Variants in MTR observed in about 807,000 individuals in gnomAD.
The protein encoded by MTR is methionine synthase.
Under a neutral mutation model 154.8 loss-of-function variants are expected in MTR, and 84 were observed. That is an observed-to-expected ratio of 0.54 (90% CI 0.45 to 0.65). The LOEUF (loss-of-function observed/expected upper bound fraction) is 0.65, where lower values mean the gene tolerates loss of function less well. Ranked by LOEUF, MTR falls within the 30% of genes least tolerant of loss-of-function variation. The pLI is 0.00. For missense variants in MTR, 1,275 were observed against 1,570.2 expected (o/e 0.81, Z 3.18); for synonymous variants, 554 against 553.9 (o/e 1.00, Z 0.00).
intron 22 of MTR, among the ~76,000 whole-genome samples, chr1:236,872,399 G>A (rs574669453): frequency 2.5e-4 from 38 of 151,956 alleles, no homozygotes; most frequent in African/African-American, 8.7e-4. Flanking sequence ...TTTTTCTTGC[G>A]TTAAGTAATC....
chr1:236,884,551 G>T (rs1222929334), intron 25 of MTR, among the ~76,000 whole-genome samples: 2 of 152,160 alleles, frequency 1.3e-5, no homozygotes, highest in African/African-American at 4.8e-5. Flanking sequence ...CCAGGTACAG[G>T]CTTTCAGGAG....
In MTR at chr1:236,861,189, G is replaced by A. The variant is rs778233369; in HGVS notation, c.2108G>A (p.Arg703Gln). 16 of 1,604,012 alleles carry A rather than the reference G, an allele frequency of 1.0e-5. No individual in the cohort carries two copies. The highest frequency in any genetic ancestry group is 3.4e-5 in the Admixed American group (2 of 58,514). Residue 703 changes from arginine (R) to glutamine (Q), a missense_variant, in exon 20 of 33, where the codon CGA (arginine) becomes CAA (glutamine). Arg to Gln is a conservative substitution (Grantham distance 43). Coordinates refer to ENST00000366577, the MANE Select transcript of MTR (RefSeq NM_000254.3). ...AGGTTAAACCAAAAAAAATATCCCC[G>A]ACCTCTCAATATAATTGAAGGACCC... ...EARLNQKKYP[R>Q]PLNIIEGPLM...
intron 15 of MTR, among the ~76,000 whole-genome samples, chr1:236,848,543 CAT>C (rs901778107): frequency 3.3e-5 from 5 of 152,136 alleles, no homozygotes; most frequent in Non-Finnish European, 7.3e-5. Flanking sequence ...TTTTTTCTGA[CAT>C]ACATCTCAGT....
chr1:236,852,850 C>T, intron 17 of MTR, 98 bp from the exon 18 acceptor site: 1 of 1,440,610 alleles, frequency 6.9e-7, no homozygotes, highest in Non-Finnish European at 9.7e-7. Context: ...AGGCTATGGC[C>T]TAAAATATTT....
intron 6 of MTR, among the ~76,000 whole-genome samples, chr1:236,814,040 T>G (rs1661456522): frequency 6.6e-6 from 1 of 152,176 alleles, no homozygotes; most frequent in Non-Finnish European, 1.5e-5. Flanking sequence ...AAATGTTTCA[T>G]TGTTGTGGGA....
intron 10 of MTR, 116 bp from the exon 11 acceptor site, chr1:236,826,713 C>T (rs1410156821): frequency 1.2e-5 from 10 of 812,806 alleles, no homozygotes; most frequent in Middle Eastern, 4.4e-4. Context: ...GTTTGACTCT[C>T]TTTTTAGTAT....
chr1:236,886,511 T>C (rs1020929892), intron 27 of MTR, 144 bp downstream of exon 27: 1 of 769,886 alleles, frequency 1.3e-6, no homozygotes, highest in African/African-American at 1.7e-5. Context: ...GACTGATGAC[T>C]GGAAAGAAAG....
At chr1:236,871,696 C>A (rs1437036361) in intron 22 of MTR, among the ~76,000 whole-genome samples, 1 of 152,140 alleles carries the variant, frequency 6.6e-6, no homozygotes, top group African/African-American at 2.4e-5. Flanking sequence ...CATCTCACTC[C>A]TGCTATAACC....
At chr1:236,875,275 C>G (rs1572311066) in intron 24 of MTR, among the ~76,000 whole-genome samples, 1 of 152,292 alleles carries the variant, frequency 6.6e-6, no homozygotes, top group East Asian at 1.9e-4. Flanking sequence ...TGAAGGAACT[C>G]TAACCTTGTA....
At chr1:236,833,467 T>G (rs1662731738) in intron 13 of MTR, among the ~76,000 whole-genome samples, 1 of 152,230 alleles carries the variant, frequency 6.6e-6, no homozygotes, top group South Asian at 2.1e-4. Context: ...TTTACAGGTG[T>G]AGAGATGGAG....
chr1:236,831,858 G>A (rs1171884497), intron 12 of MTR, 108 bp from the exon 13 acceptor site: 3 of 797,902 alleles, frequency 3.8e-6, no homozygotes, highest in Non-Finnish European at 6.5e-6. Flanking sequence ...TGCTCAGATG[G>A]GCTATGGTGC....
chr1:236,886,459 C>A, intron 27 of MTR, 92 bp downstream of exon 27: 1 of 1,206,688 alleles, frequency 8.3e-7, no homozygotes, highest in Non-Finnish European at 1.2e-6. Context: ...CAAAATCAAA[C>A]CAGCAGCTAA....
intron 2 of MTR, 69 bp from the exon 3 acceptor site, chr1:236,806,075 G>A (rs1228501062): frequency 4.7e-6 from 6 of 1,272,206 alleles, no homozygotes; most frequent in South Asian, 1.2e-5. Context: ...GGTAATGAAA[G>A]GGCATGTTTA....
chr1:236,852,724 G>A lies in MTR; in HGVS notation c.1812+87G>A. 2.4e-6 allele frequency: 3 copies of A among 1,261,472 alleles called. No homozygotes were observed. The South Asian group carries it at 3.6e-5, about 15-fold the overall frequency. The allele number at this position is 1,261,472 out of a possible 1,614,324, so 78.1% of individuals were successfully genotyped here. On this transcript the variant is annotated intron_variant, in intron 17 of 32. Coordinates refer to ENST00000366577, the MANE Select transcript of MTR (RefSeq NM_000254.3). The stretch of plus-strand genomic sequence containing the variant: ...AAGTGTGGCATGCAGGCTAAGTCCG[G>A]CCTGCTGCCAGTTTCTGTAAATAAG...
intron 18 of MTR, among the ~76,000 whole-genome samples, chr1:236,855,689 C>T (rs1157215232): frequency 1.3e-5 from 2 of 152,328 alleles, no homozygotes; most frequent in East Asian, 3.9e-4. Flanking sequence ...AGAAGCAACT[C>T]TAGAGTGGGA....
chr1:236,883,166 T>C (rs900967051), intron 25 of MTR, among the ~76,000 whole-genome samples: 15 of 152,350 alleles, frequency 9.8e-5, no homozygotes, highest in African/African-American at 3.4e-4. Context: ...CTCCCTCTTA[T>C]TGTGTGGCTG....
intron 15 of MTR, 150 bp downstream of exon 15, chr1:236,838,749 T>TCTTTCC: frequency 1.2e-6 from 1 of 815,700 alleles, no homozygotes; most frequent in Non-Finnish European, 2.0e-6. Context: ...TACACGTATC[T>TCTTTCC]GTATACAGTC....
chr1:236,900,235 G>A lies in MTR; in HGVS notation c.*2591G>A, dbSNP rs780917394. On this transcript the variant is annotated 3_prime_UTR_variant, in exon 33 of 33. Transcript: ENST00000366577. ...ATTCTACGGGATATTATTCAGTAGT[G>A]GAAATGAGTGAACTACAGCTATACC... 5 of 314,710 alleles carry A rather than the reference G, an allele frequency of 1.6e-5. No individual in the cohort carries two copies. Among genetic ancestry groups the A allele is most frequent in the African/African-American group, 4.3e-5 (2 of 46,088 alleles). The allele number at this position is 314,710 out of a possible 1,614,324, so 19.5% of individuals were successfully genotyped here.
At chr1:236,812,954 GTAT>G in intron 6 of MTR, 110 bp downstream of exon 6, 3 of 856,208 alleles carry the variant, frequency 3.5e-6, no homozygotes, top group South Asian at 2.8e-5. Flanking sequence ...TAAATTACCT[GTAT>G]TTGCTCCATT....
Sources: allele counts gnomAD v4.1 joint callset (sites outside exome capture counted in the v4.1 genomes callset), GRCh38; gene constraint gnomAD v4.1.1; transcripts MANE v1.5; gene names NCBI Gene and HGNC (gene_info 2026-07-23, HGNC 2026-07-21).